The following GRID1 variants were observed in gnomAD, a reference collection of about 807,000 sequenced individuals.
The protein encoded by GRID1 is glutamate ionotropic receptor delta type subunit 1, also known as glutamate receptor ionotropic, delta-1.
Under a neutral mutation model 98.0 loss-of-function variants are expected in GRID1, and 28 were observed. The ratio of observed to expected loss-of-function variants is 0.29; its 90% confidence interval spans 0.21 to 0.39. The LOEUF is 0.39. Among genes scored for constraint, GRID1 ranks in the 10% least tolerant of loss-of-function variants. The pLI is 1.00. For synonymous variants in GRID1, 553 were observed against 538.5 expected, an observed-to-expected ratio of 1.03 and a Z score of -0.37; for missense variants, 1,111 against 1,340.5, an observed-to-expected ratio of 0.83 and a Z score of 2.67.
intron 4 of GRID1, among the ~76,000 whole-genome samples, chr10:85,983,549 T>A (rs922165336): frequency 2.6e-5 from 4 of 152,146 alleles, no homozygotes; most frequent in Non-Finnish European, 2.9e-5. Flanking sequence ...ATGAGAGAAC[T>A]GAAGTTCAGG....
At chr10:86,321,503 G>C (rs1847970224) in intron 2 of GRID1, among the ~76,000 whole-genome samples, 1 of 152,202 alleles carries the variant, frequency 6.6e-6, no homozygotes, top group South Asian at 2.1e-4. Flanking sequence ...GTTCTTACTA[G>C]GGCAGGAATC....
intron 4 of GRID1, among the ~76,000 whole-genome samples, chr10:85,999,708 GA>G (rs1233315379): frequency 1.2e-4 from 19 of 152,072 alleles, no homozygotes; most frequent in Middle Eastern, 6.8e-3. Context: ...ATAGTCTAAA[GA>G]AAAAAACCAA....
chr10:86,179,917 C>G (rs1241749041), intron 3 of GRID1, among the ~76,000 whole-genome samples: 1 of 152,172 alleles, frequency 6.6e-6, no homozygotes, highest in African/African-American at 2.4e-5. Flanking sequence ...ACACCTCAGT[C>G]TGAATCCCAT....
intron 4 of GRID1, among the ~76,000 whole-genome samples, chr10:86,078,037 G>A (rs1296412234): frequency 6.6e-6 from 1 of 152,244 alleles, no homozygotes; most frequent in Non-Finnish European, 1.5e-5. Flanking sequence ...TGAGACTCAA[G>A]GGTTCTCCAG....
At chr10:85,869,315 A>G (rs1193374925) in intron 5 of GRID1, 135 bp from the exon 6 acceptor site, 1 of 680,674 alleles carries the variant, frequency 1.5e-6, no homozygotes, top group African/African-American at 1.8e-5. Flanking sequence ...CAGGTCACAC[A>G]GTTCATTAGT....
intron 13 of GRID1, chr10:85,646,327 T>C (rs1358601767): frequency 2.0e-5 from 3 of 152,216 alleles, no homozygotes; most frequent in African/African-American, 4.8e-5. Flanking sequence ...CAGTAGCCAT[T>C]GCATGTGGGG....
chr10:85,620,120 G>A, intron 13 of GRID1, 87 bp from the exon 14 acceptor site: 1 of 1,110,470 alleles, frequency 9.0e-7, no homozygotes, highest in Non-Finnish European at 1.3e-6. Flanking sequence ...GGTGGGATTT[G>A]AGGGACCCAT....
intron 4 of GRID1, among the ~76,000 whole-genome samples, chr10:85,959,426 G>A (rs1842236827): frequency 1.3e-5 from 2 of 152,150 alleles, no homozygotes; most frequent in South Asian, 4.1e-4. Flanking sequence ...AGATGTTCAG[G>A]GCAATGAGTT....
intron 2 of GRID1, among the ~76,000 whole-genome samples, chr10:86,207,399 C>A (rs1846042380): frequency 6.6e-6 from 1 of 152,142 alleles, no homozygotes; most frequent in South Asian, 2.1e-4. Context: ...AGCGGACGCT[C>A]CAGCAGCCGC....
chr10:85,998,773 A>G (rs970475653), intron 4 of GRID1, among the ~76,000 whole-genome samples: 1 of 152,204 alleles, frequency 6.6e-6, no homozygotes, highest in Admixed American at 6.5e-5. Flanking sequence ...GAGAAAGAAA[A>G]GACACAAATA....
intron 12 of GRID1, among the ~76,000 whole-genome samples, chr10:85,651,644 T>C (rs1268099455): frequency 2.6e-5 from 4 of 152,130 alleles, no homozygotes; most frequent in Non-Finnish European, 5.9e-5. Flanking sequence ...TTGTGGGTCG[T>C]CATAGTAACA....
intron 13 of GRID1, among the ~76,000 whole-genome samples, chr10:85,632,284 G>A (rs1842984801): frequency 6.6e-6 from 1 of 152,028 alleles, no homozygotes; most frequent in East Asian, 1.9e-4. Flanking sequence ...GGCACCCTTG[G>A]CCTCAGTTTC....
intron 5 of GRID1, among the ~76,000 whole-genome samples, chr10:85,874,566 G>C (rs915278758): frequency 5.3e-5 from 8 of 152,210 alleles, no homozygotes; most frequent in Non-Finnish European, 8.8e-5. Flanking sequence ...GTTAATTTGT[G>C]GGAATATATT....
chr10:85,936,484 C>G (rs1841927119), intron 4 of GRID1, among the ~76,000 whole-genome samples: 2 of 150,442 alleles, frequency 1.3e-5, no homozygotes, highest in Non-Finnish European at 2.9e-5. Flanking sequence ...TCTAGAAACT[C>G]ATGTGATAAA....
At chr10:86,073,950 G>C (rs1293938682) in intron 4 of GRID1, among the ~76,000 whole-genome samples, 1 of 137,686 alleles carries the variant, frequency 7.3e-6, no homozygotes, top group Non-Finnish European at 1.6e-5. Flanking sequence ...CATCTGACCA[G>C]TCTGGGGGAG....
At chr10:86,066,730 C>G (rs928402095) in intron 4 of GRID1, among the ~76,000 whole-genome samples, 5 of 152,226 alleles carry the variant, frequency 3.3e-5, no homozygotes, top group Non-Finnish European at 5.9e-5. Context: ...TCTGCAAATT[C>G]AAGCCATTGC....
chr10:86,067,888 C>T (rs1011462882), intron 4 of GRID1, among the ~76,000 whole-genome samples: 5 of 152,352 alleles, frequency 3.3e-5, no homozygotes, highest in African/African-American at 1.2e-4. Context: ...GCTTCCTCCC[C>T]TGCCCCATCC....
chr10:86,140,068 A>G (rs1486603848), intron 3 of GRID1, among the ~76,000 whole-genome samples: 1 of 152,154 alleles, frequency 6.6e-6, no homozygotes, highest in African/African-American at 2.4e-5. Flanking sequence ...TTTCTCCCGA[A>G]CTTTCCAGTT....
At chr10:85,861,119 C>T (rs1038654629) in intron 6 of GRID1, among the ~76,000 whole-genome samples, 1 of 152,180 alleles carries the variant, frequency 6.6e-6, no homozygotes, top group African/African-American at 2.4e-5. Context: ...GGGTCAGCAC[C>T]AGTCTGGATG....
Sources: gnomAD v4.1 joint callset for allele counts (sites outside exome capture counted in the v4.1 genomes callset) on GRCh38, gnomAD v4.1.1 for gene constraint, MANE v1.5 for transcripts, NCBI Gene and HGNC (gene_info 2026-07-23, HGNC 2026-07-21) for gene names.